The following CACNA2D3 variants were observed in gnomAD, a reference collection of about 807,000 sequenced individuals.
CACNA2D3 encodes voltage-dependent calcium channel subunit alpha-2/delta-3.
In CACNA2D3, 60 loss-of-function variants were observed where a neutral mutation model predicts 160.6. That is an observed-to-expected ratio of 0.37 (90% CI 0.30 to 0.46). CACNA2D3 has a LOEUF of 0.46. Among genes scored for constraint, CACNA2D3 ranks in the 20% least tolerant of loss-of-function variants. CACNA2D3 has a pLI of 1.00. For missense variants in CACNA2D3, 1,205 were observed against 1,365.0 expected, an observed-to-expected ratio of 0.88 and a Z score of 1.85; for synonymous variants, 558 against 492.9, an observed-to-expected ratio of 1.13 and a Z score of -1.75.
At chr3:54,481,922 G>A (rs1308439789) in intron 4 of CACNA2D3, among the ~76,000 whole-genome samples, 2 of 152,140 alleles carry the variant, frequency 1.3e-5, no homozygotes, top group Admixed American at 6.5e-5. Flanking sequence ...ATATACATAT[G>A]GGGATTTCTA....
chr3:54,737,942 A>C (rs751175836), intron 11 of CACNA2D3, among the ~76,000 whole-genome samples: 3 of 152,098 alleles, frequency 2.0e-5, no homozygotes, highest in Non-Finnish European at 2.9e-5. Context: ...CTGGAATTAC[A>C]GGTGTGAGCC....
intron 10 of CACNA2D3, among the ~76,000 whole-genome samples, chr3:54,631,097 G>C (rs547796035): frequency 6.6e-6 from 1 of 151,892 alleles, no homozygotes; most frequent in Non-Finnish European, 1.5e-5. Flanking sequence ...CCAGCTATTC[G>C]GGAGGCTGAG....
At chr3:54,443,627 G>C (rs932859564) in intron 4 of CACNA2D3, among the ~76,000 whole-genome samples, 2 of 152,126 alleles carry the variant, frequency 1.3e-5, no homozygotes, top group Non-Finnish European at 2.9e-5. Context: ...ATCCTTGGCC[G>C]ACGACCCTGG....
chr3:54,341,525 C>A (rs528576919), intron 3 of CACNA2D3, among the ~76,000 whole-genome samples: 5 of 152,306 alleles, frequency 3.3e-5, no homozygotes, highest in Admixed American at 1.3e-4. Context: ...GGTTGGTTCA[C>A]CCTGGCATCT....
At chr3:54,803,569 C>G (rs1446613140) in intron 13 of CACNA2D3, among the ~76,000 whole-genome samples, 2 of 152,198 alleles carry the variant, frequency 1.3e-5, no homozygotes, top group African/African-American at 4.8e-5. Context: ...AAAAACAAAT[C>G]TACATCTGAT....
rs185779836 is a variant in CACNA2D3 at position 54,982,302 on chromosome 3, C to T, written c.2557-2306C>T. Among the ~76,000 whole-genome samples the T allele has an allele frequency of 2.6e-5, 4 of 152,262 alleles. No individual in the cohort carries two copies. In the East Asian group the frequency reaches 7.7e-4, roughly 29 times the overall value. ...TGACTCTAACCTTCCTGAGTTGAGC[C>T]TTGAACCCAAGTTTGATCAAGCATC... On this transcript the variant is annotated intron_variant, in intron 29 of 37. Coordinates refer to ENST00000474759, the MANE Select transcript of CACNA2D3 (RefSeq NM_018398.3).
intron 11 of CACNA2D3, among the ~76,000 whole-genome samples, chr3:54,661,846 ATG>A (rs869104703): frequency 0.049 from 801 of 16,404 alleles, 7 homozygotes; most frequent in Middle Eastern, 0.15. Context: ...GGATGTGTGT[ATG>A]TGTGTGTGTG....
At chr3:54,439,949 G>C (rs1354390191) in intron 4 of CACNA2D3, among the ~76,000 whole-genome samples, 1 of 152,108 alleles carries the variant, frequency 6.6e-6, no homozygotes, top group Non-Finnish European at 1.5e-5. Flanking sequence ...TTGATACTCT[G>C]ATACCCACAA....
At chr3:54,762,282 A>C (rs1274186296) in intron 12 of CACNA2D3, among the ~76,000 whole-genome samples, 1 of 152,138 alleles carries the variant, frequency 6.6e-6, no homozygotes, top group East Asian at 1.9e-4. Flanking sequence ...TAGTTCCTAG[A>C]AGGGGCCTGC....
At chr3:54,853,437 A>G (rs1699103487) in intron 17 of CACNA2D3, among the ~76,000 whole-genome samples, 1 of 152,204 alleles carries the variant, frequency 6.6e-6, no homozygotes, top group Admixed American at 6.5e-5. Context: ...TTCACCAAAC[A>G]TTTGTTGAGT....
At chr3:54,488,629 C>T (rs1340502283) in intron 4 of CACNA2D3, among the ~76,000 whole-genome samples, 1 of 152,132 alleles carries the variant, frequency 6.6e-6, no homozygotes. Context: ...CACGGTAGGA[C>T]ATTGCTGAGG....
chr3:54,696,079 A>G (rs1287627362), intron 11 of CACNA2D3, among the ~76,000 whole-genome samples: 1 of 152,162 alleles, frequency 6.6e-6, no homozygotes, highest in Non-Finnish European at 1.5e-5. Context: ...AGGCATGGCC[A>G]GGGTCGGGGA....
intron 4 of CACNA2D3, among the ~76,000 whole-genome samples, chr3:54,411,544 A>G (rs1487278806): frequency 6.6e-6 from 1 of 152,198 alleles, no homozygotes. Flanking sequence ...TGTATCAGTA[A>G]AGTATTTTAA....
At chr3:54,455,100 A>G (rs1185075698) in intron 4 of CACNA2D3, among the ~76,000 whole-genome samples, 3 of 152,020 alleles carry the variant, frequency 2.0e-5, no homozygotes, top group Non-Finnish European at 4.4e-5. Context: ...TTTCCTTTGG[A>G]TATATACCCA....
chr3:54,349,971 T>A (rs1227167022), intron 3 of CACNA2D3, among the ~76,000 whole-genome samples: 1 of 152,224 alleles, frequency 6.6e-6, no homozygotes, highest in African/African-American at 2.4e-5. Context: ...CAGACTTTGG[T>A]CATGCATTTG....
chr3:54,838,751 C>A, intron 16 of CACNA2D3, 103 bp downstream of exon 16: 1 of 852,932 alleles, frequency 1.2e-6, no homozygotes, highest in Non-Finnish European at 2.0e-6. Flanking sequence ...GATGTTTTTG[C>A]TCACCACTAT....
chr3:54,852,781 G>A (rs1458114174), intron 17 of CACNA2D3, among the ~76,000 whole-genome samples: 1 of 152,138 alleles, frequency 6.6e-6, no homozygotes, highest in African/African-American at 2.4e-5. Flanking sequence ...CATCCCCCAT[G>A]GACACATGTG....
chr3:54,582,025 A>C, intron 9 of CACNA2D3, 148 bp downstream of exon 9: 1 of 610,460 alleles, frequency 1.6e-6, no homozygotes, highest in African/African-American at 1.9e-5. Flanking sequence ...TATTAAGAGC[A>C]CAAAGAAAAT....
intron 27 of CACNA2D3, among the ~76,000 whole-genome samples, chr3:54,917,701 G>C (rs1411273293): frequency 1.3e-5 from 2 of 152,064 alleles, no homozygotes; most frequent in Admixed American, 1.3e-4. Flanking sequence ...ATGGCCTTTT[G>C]GTAATATCTG....
Sources: gnomAD v4.1 joint callset for allele counts (sites outside exome capture counted in the v4.1 genomes callset) on GRCh38, gnomAD v4.1.1 for gene constraint, MANE v1.5 for transcripts, NCBI Gene and HGNC (gene_info 2026-07-23, HGNC 2026-07-21) for gene names.